XPO1: variants seen among roughly 807,000 people sequenced by gnomAD.
XPO1 encodes the protein exportin-1.
Under a neutral mutation model 133.3 loss-of-function variants are expected in XPO1, and 5 were observed. The ratio of observed to expected loss-of-function variants is 0.04; its 90% CI spans 0.02 to 0.08. The LOEUF (loss-of-function observed/expected upper bound fraction) is 0.08. Ranked by LOEUF, XPO1 falls within the 10% of genes least tolerant of loss-of-function variation. XPO1 has a pLI of 1.00. For missense variants in XPO1, 506 were observed against 1,267.5 expected, an observed-to-expected ratio of 0.40 and a Z score of 9.12; for synonymous variants, 419 against 408.2, an observed-to-expected ratio of 1.03 and a Z score of -0.32.
rs10181894 is a variant in XPO1 at position 61,511,914 on chromosome 2, A to T, written c.302-9604T>A. Among the ~76,000 whole-genome samples the T allele has an allele frequency of 9.0e-3, 1,363 of 151,856 alleles. 27 individuals carry two copies. The highest frequency in any genetic ancestry group is 0.031 in the African/African-American group (1,302 of 41,406). On this transcript the variant is annotated intron_variant, in intron 4 of 24. Transcript: ENST00000401558. ...GCTGGGATTCTGGGATTACAGGCAC[A>T]CGCCACCATGCCCGGCTAATTTTTT... is the stretch of plus-strand genomic sequence containing the variant.
chr2:61,537,520 G>C (rs1699406566), intron 1 of XPO1, 42 bp downstream of exon 1: 1 of 148,152 alleles, frequency 6.7e-6, no homozygotes, highest in Admixed American at 6.7e-5. Flanking sequence ...GCCCGGCCGC[G>C]CCGCCGCCCG....
At position 61,490,598 on chromosome 2, in the gene XPO1, G is replaced by A. The variant is rs372913636; in HGVS notation, c.2022+44C>T. 17 of 1,612,498 alleles carry A rather than the reference G, an allele frequency of 1.1e-5. No homozygotes were observed. In the African/African-American group the frequency reaches 2.1e-4, roughly 20 times the overall value. ...AATACATTTGTAAAGAACACGTCTT[G>A]TTAAATCCCATGAAAACTTTTAAGA... On this transcript the variant is annotated intron_variant, in intron 17 of 24. Coordinates refer to ENST00000401558, the MANE Select transcript of XPO1 (RefSeq NM_003400.4).
At position 61,537,752 on chromosome 2, in the gene XPO1, A is replaced by AAC. The variant is rs34469311; in HGVS notation, c.-199_-198dup. The AAC allele has an allele frequency of 0.12, 16,460 of 139,012 alleles. 964 individuals are homozygous for AAC. Among genetic ancestry groups the AAC allele is most frequent in the African/African-American group, 0.15 (5,371 of 36,522 alleles). 8.6% of individuals were successfully genotyped at this position (139,012 alleles called of 1,614,324 possible). Reference sequence around the variant, plus strand: ...TTACTATTTCAGGGACGCTTCCCCCAACACACACACACACACACACACACA... The same window carrying AAC: ...TTACTATTTCAGGGACGCTTCCCCCAACACACACACACACACACACACACACA... On this transcript the variant is annotated 5_prime_UTR_variant, in exon 1 of 25. Coordinates refer to ENST00000401558, the MANE Select transcript of XPO1 (RefSeq NM_003400.4).
chr2:61,485,739 C>A, intron 20 of XPO1, 29 bp downstream of exon 20: 1 of 1,559,318 alleles, frequency 6.4e-7, no homozygotes, highest in Non-Finnish European at 8.7e-7. Flanking sequence ...TGCAGAATTT[C>A]CCCCTTACAT....
At chr2:61,479,765 G>C (rs1365615764) in intron 24 of XPO1, among the ~76,000 whole-genome samples, 1 of 152,096 alleles carries the variant, frequency 6.6e-6, no homozygotes, top group Non-Finnish European at 1.5e-5. Context: ...GTTTCACCAT[G>C]TTGCCCAGGC....
chr2:61,482,874 C>T (rs991848510), intron 22 of XPO1, 83 bp downstream of exon 22: 28 of 1,537,882 alleles, frequency 1.8e-5, no homozygotes, highest in South Asian at 1.7e-4. Flanking sequence ...CTCCCCGCCT[C>T]GACCTCCCAA....
rs1696178323 is a variant in XPO1 at position 61,478,668 on chromosome 2, G to A, written c.*152C>T. 2.8e-6 allele frequency: 2 copies of A among 712,962 alleles called. No homozygotes were observed. The highest frequency in any genetic ancestry group is 2.7e-5 in the South Asian group (1 of 37,220). The allele number at this position is 712,962 out of a possible 1,614,324, so 44.2% of individuals were successfully genotyped here. On this transcript the variant is annotated 3_prime_UTR_variant, in exon 25 of 25. Coordinates refer to ENST00000401558, the MANE Select transcript of XPO1 (RefSeq NM_003400.4). ...TTAAACAATGGAAGGATATTTCACA[G>A]AAAATTTCTTATACAAAAAAACACA...
At chr2:61,524,656 T>G (rs1438426574) in intron 3 of XPO1, among the ~76,000 whole-genome samples, 1 of 152,240 alleles carries the variant, frequency 6.6e-6, no homozygotes, top group East Asian at 1.9e-4. Flanking sequence ...CCAGGCAAAG[T>G]GGCCCTCGCC....
At chr2:61,509,717 T>G (rs1301188103) in intron 4 of XPO1, among the ~76,000 whole-genome samples, 1 of 152,226 alleles carries the variant, frequency 6.6e-6, no homozygotes, top group East Asian at 1.9e-4. Flanking sequence ...TTCCAAAATC[T>G]GAAAAAGCCC....
intron 22 of XPO1, 176 bp from the exon 23 acceptor site, chr2:61,482,715 C>T: frequency 2.7e-6 from 2 of 744,084 alleles, no homozygotes; most frequent in Non-Finnish European, 4.2e-6. Context: ...AAGCCATTCT[C>T]CTGCCTCAGC....
At chr2:61,506,930 G>C (rs1025390823) in intron 4 of XPO1, among the ~76,000 whole-genome samples, 1 of 151,870 alleles carries the variant, frequency 6.6e-6, no homozygotes, top group African/African-American at 2.4e-5. Flanking sequence ...TAAAAAGCTT[G>C]ATACAAAAGG....
intron 10 of XPO1, among the ~76,000 whole-genome samples, chr2:61,495,957 T>C (rs1051220350): frequency 3.9e-5 from 6 of 152,000 alleles, no homozygotes; most frequent in Admixed American, 1.3e-4. Context: ...GTCTGAGCTA[T>C]TGCACTCAGC....
chr2:61,515,647 G>T (rs1296387528), intron 4 of XPO1, among the ~76,000 whole-genome samples: 1 of 152,124 alleles, frequency 6.6e-6, no homozygotes, highest in Admixed American at 6.6e-5. Flanking sequence ...AATGTAGCCA[G>T]TATTACGGTG....
At chr2:61,522,500 C>T (rs1189058524) in intron 4 of XPO1, 111 bp downstream of exon 4, 6 of 949,398 alleles carry the variant, frequency 6.3e-6, no homozygotes, top group African/African-American at 1.7e-5. Context: ...CAATAAGCTC[C>T]ATTAGAGCAA....
chr2:61,479,022 G>T, intron 24 of XPO1, 56 bp from the exon 25 acceptor site: 1 of 1,575,090 alleles, frequency 6.3e-7, no homozygotes, highest in Non-Finnish European at 8.6e-7. Context: ...TGCAAAGAAA[G>T]AAATCATAGA....
chr2:61,495,442 C>G lies in XPO1; in HGVS notation c.1047+13G>C, dbSNP rs1220553471. The G allele has an allele frequency of 6.6e-7, 1 of 1,516,870 alleles. No homozygotes were observed. Among genetic ancestry groups the G allele is most frequent in the South Asian group, 1.3e-5 (1 of 75,978 alleles). 94.0% of individuals were successfully genotyped at this position (1,516,870 alleles called of 1,614,324 possible). ...GAGCAGAATTTTAGGAGCAAAAGCT[C>G]CACATATCTTACCTCCATAAGAGTT... On this transcript the variant is annotated intron_variant, in intron 11 of 24. Coordinates refer to ENST00000401558, the MANE Select transcript of XPO1 (RefSeq NM_003400.4).
intron 4 of XPO1, chr2:61,502,726 C>A (rs1212859929): frequency 1.3e-5 from 2 of 156,008 alleles, no homozygotes; most frequent in Admixed American, 1.3e-4. Context: ...GCACTCCAGC[C>A]TGGGCAACAG....
intron 1 of XPO1, among the ~76,000 whole-genome samples, chr2:61,534,863 C>G (rs1262523141): frequency 1.5e-5 from 2 of 130,158 alleles, no homozygotes; most frequent in East Asian, 4.4e-4. Flanking sequence ...TGTTTCAACC[C>G]TCAATGAATT....
rs1414008596 is a variant in XPO1 at position 61,494,011 on chromosome 2, C to A, written c.1128G>T (p.Leu376Phe). 1 of 1,613,934 alleles carries A rather than the reference C, an allele frequency of 6.2e-7. No homozygotes were observed. Among genetic ancestry groups the A allele is most frequent in the Admixed American group, 1.7e-5 (1 of 59,978 alleles). ...GACTCTCTCTATAGAGTTCAGCAGC[C>A]AAATGATTCCAGTATTCAAGACAAA... ...FKICLEYWNH[L>F]AAELYRESPF... The change falls in exon 12 of 25, where the codon TTG (leucine) becomes TTT (phenylalanine). Residue 376 changes from leucine to phenylalanine, a missense_variant. By Grantham distance (22) the Leu-to-Phe change is conservative. Transcript: ENST00000401558.
Sources: gnomAD v4.1 joint callset for allele counts (sites outside exome capture counted in the v4.1 genomes callset) on GRCh38, gnomAD v4.1.1 for gene constraint, MANE v1.5 for transcripts, NCBI Gene and HGNC (gene_info 2026-07-23, HGNC 2026-07-21) for gene names.